MICU3: variants seen among roughly 807,000 people sequenced by gnomAD.
MICU3 encodes mitochondrial calcium uptake 3.
Under a neutral mutation model 66.5 loss-of-function variants are expected in MICU3, and 62 were observed. The ratio of observed to expected loss-of-function variants is 0.93; its 90% CI spans 0.76 to 1.15. MICU3 has a LOEUF of 1.15. MICU3 is among the 50% of genes most tolerant of loss of function. MICU3 has a pLI of 0.00. For synonymous variants in MICU3, 308 were observed against 240.7 expected (o/e 1.28, Z -2.59); for missense variants, 779 against 664.4 (o/e 1.17, Z -1.90).
At chr8:17,125,064 C>T (rs1803369434), downstream of MICU3, among the ~76,000 whole-genome samples, 1 of 152,050 alleles carries the variant, frequency 6.6e-6, no homozygotes, top group African/African-American at 2.4e-5. Flanking sequence ...GAACTTCTTG[C>T]CCTCTTGTTT....
Position 17,079,479 on chromosome 8 carries a change from G to A in MICU3, c.646+1618G>A, listed in dbSNP as rs558878989. 2.0e-4 allele frequency among the ~76,000 whole-genome samples: 30 copies of A among 152,106 alleles called. No individual in the cohort carries two copies. In the South Asian group the frequency reaches 4.2e-3, roughly 21 times the overall value. The stretch of plus-strand genomic sequence containing the variant: ...GCTTTTTTTAAATAGCGATTAAGTG[G>A]CAGAGAAATTTTAAGACTAAATCTT... On this transcript the variant is annotated intron_variant, in intron 4 of 14. Coordinates refer to ENST00000318063, the MANE Select transcript of MICU3 (RefSeq NM_181723.3).
intron 4 of MICU3, among the ~76,000 whole-genome samples, chr8:17,081,148 A>C (rs1821120657): frequency 6.6e-6 from 1 of 152,056 alleles, no homozygotes; most frequent in Non-Finnish European, 1.5e-5. Context: ...AAAACTCCTC[A>C]GGGTACATTT....
At chr8:17,037,015 G>A (rs577243134) in intron 1 of MICU3, among the ~76,000 whole-genome samples, 16 of 152,210 alleles carry the variant, frequency 1.1e-4, no homozygotes, top group African/African-American at 3.9e-4. Context: ...CCGTGGGCTG[G>A]CACTGCTGGG....
At chr8:17,063,649 T>G (rs1325838476) in intron 1 of MICU3, among the ~76,000 whole-genome samples, 1 of 152,150 alleles carries the variant, frequency 6.6e-6, no homozygotes, top group Admixed American at 6.5e-5. Flanking sequence ...TATTGGGATT[T>G]TACTTTATTC....
chr8:17,085,703 A>T (rs1331569478), intron 6 of MICU3, among the ~76,000 whole-genome samples: 1 of 152,004 alleles, frequency 6.6e-6, no homozygotes, highest in Non-Finnish European at 1.5e-5. Context: ...TATGGGATTC[A>T]TGTTTTTTCT....
At chr8:17,034,088 G>A (rs1173506374) in intron 1 of MICU3, among the ~76,000 whole-genome samples, 1 of 152,184 alleles carries the variant, frequency 6.6e-6, no homozygotes. Flanking sequence ...AATGCAGCTG[G>A]TGACTTGAAG....
chr8:17,069,095 T>G (rs1819158652), intron 2 of MICU3, among the ~76,000 whole-genome samples: 1 of 152,180 alleles, frequency 6.6e-6, no homozygotes. Flanking sequence ...TTTATTCAGC[T>G]GTAACACTCT....
chr8:17,075,451 A>G (rs1820238185), intron 3 of MICU3, among the ~76,000 whole-genome samples: 1 of 152,156 alleles, frequency 6.6e-6, no homozygotes, highest in African/African-American at 2.4e-5. Context: ...GTATGAACCA[A>G]GGATTTAGAG....
chr8:17,036,029 T>A lies in MICU3; in HGVS notation c.381+8369T>A, dbSNP rs186259697. On this transcript the variant is annotated intron_variant, in intron 1 of 14. Transcript: ENST00000318063. ...TTGATGGGTTCTTGGTCTCACTGAC[T>A]TCAAGAATGAAGCCGCGGACCCTCG... Among the ~76,000 whole-genome samples the A allele has an allele frequency of 3.4e-3, 524 of 152,318 alleles. 2 individuals carry two copies. Among genetic ancestry groups the A allele is most frequent in the Non-Finnish European group, 5.4e-3 (370 of 68,026 alleles).
the MICU3 span, among the ~76,000 whole-genome samples, chr8:17,129,301 G>C: frequency 6.6e-6 from 1 of 152,148 alleles, no homozygotes. Context: ...TTAAAAAGGG[G>C]AGAAAGTCAT....
At chr8:17,083,655 G>A (rs1404310485) in intron 5 of MICU3, among the ~76,000 whole-genome samples, 1 of 152,056 alleles carries the variant, frequency 6.6e-6, no homozygotes, top group Non-Finnish European at 1.5e-5. Flanking sequence ...AAATTAAAAT[G>A]TTAGTGCTGA....
Position 17,091,839 on chromosome 8 carries a change from T to A in MICU3, c.888+1255T>A, listed in dbSNP as rs567915862. Among the ~76,000 whole-genome samples, 7 of 152,210 alleles carry A rather than the reference T, an allele frequency of 4.6e-5. No individual in the cohort carries two copies. The East Asian group carries it at 1.2e-3, about 25-fold the overall frequency. On this transcript the variant is annotated intron_variant, in intron 8 of 14. Transcript: ENST00000318063. ...GAAAATCTCACAGATTATAATGCCA[T>A]ATGCCATATACTACTTAGGACTTTA...
the MICU3 span, chr8:17,134,322 G>A: frequency 6.6e-6 from 1 of 152,418 alleles, no homozygotes; most frequent in African/African-American, 2.4e-5. Flanking sequence ...AGAGCCAATG[G>A]TGTAATTCTA....
intron 9 of MICU3, among the ~76,000 whole-genome samples, chr8:17,102,181 T>G (rs1733794187): frequency 6.6e-6 from 1 of 151,806 alleles, no homozygotes; most frequent in Admixed American, 6.6e-5. Context: ...TCTGATCTAC[T>G]CTTGTCTCCT....
At chr8:17,049,549 T>C (rs1815691158) in intron 1 of MICU3, 1 of 512,700 alleles carries the variant, frequency 2.0e-6, no homozygotes, top group Non-Finnish European at 3.9e-6. Context: ...ATGCTAAAGT[T>C]TGCAGAAAGT....
chr8:17,048,366 GGCAAAGGAGTA>G (rs1271085079), intron 1 of MICU3, among the ~76,000 whole-genome samples: 11 of 151,900 alleles, frequency 7.2e-5, no homozygotes, highest in South Asian at 4.2e-4. Flanking sequence ...CCTTAAAGAA[GGCAAAGGAGTA>G]GCAAAATCAC....
intron 8 of MICU3, among the ~76,000 whole-genome samples, chr8:17,094,846 A>G (rs1350528499): frequency 1.3e-5 from 2 of 151,994 alleles, no homozygotes; most frequent in Non-Finnish European, 2.9e-5. Context: ...TTCCTGTTTC[A>G]TCACACCAAA....
chr8:17,059,321 T>C (rs942727881), intron 1 of MICU3, among the ~76,000 whole-genome samples: 1 of 152,226 alleles, frequency 6.6e-6, no homozygotes, highest in Non-Finnish European at 1.5e-5. Flanking sequence ...AAACTCATTT[T>C]CAGAGAACAA....
intron 3 of MICU3, among the ~76,000 whole-genome samples, chr8:17,072,333 G>T (rs553387323): frequency 1.5e-3 from 225 of 152,146 alleles, no homozygotes; most frequent in African/African-American, 5.1e-3. Context: ...ACTTTTCCAT[G>T]GAGGGGGCAA....
Sources: gnomAD v4.1 joint callset for allele counts (sites outside exome capture counted in the v4.1 genomes callset) on GRCh38, gnomAD v4.1.1 for gene constraint, MANE v1.5 for transcripts, NCBI Gene and HGNC (gene_info 2026-07-23, HGNC 2026-07-21) for gene names.